Variants in PHF21B observed in about 807,000 individuals in gnomAD.
The protein encoded by PHF21B is PHD finger protein 4.
PHF21B carries 22 observed loss-of-function variants against 62.2 expected under a neutral mutation model. The ratio of observed to expected loss-of-function variants is 0.35; its 90% CI spans 0.25 to 0.51. The LOEUF is 0.51. Among genes scored for constraint, PHF21B ranks in the 20% least tolerant of loss-of-function variants. The pLI, the probability that PHF21B is intolerant of heterozygous loss-of-function variation, is 0.97. For synonymous variants in PHF21B, 341 were observed against 314.7 expected (o/e 1.08, Z -0.88); for missense variants, 701 against 707.9 (o/e 0.99, Z 0.11).
intron 2 of PHF21B, among the ~76,000 whole-genome samples, chr22:44,987,824 C>T (rs914035089): frequency 6.6e-6 from 1 of 151,876 alleles, no homozygotes; most frequent in Non-Finnish European, 1.5e-5. Flanking sequence ...CTATCTCACC[C>T]TTCACCCCTC....
chr22:44,883,344 G>A (rs200905659), intron 12 of PHF21B, 40 bp from the exon 13 acceptor site: 24 of 1,590,288 alleles, frequency 1.5e-5, no homozygotes, highest in East Asian at 9.0e-5. Context: ...CTCAGTATTC[G>A]GCTCTACAGC....
chr22:44,883,724 C>T (rs1021677398), intron 12 of PHF21B, among the ~76,000 whole-genome samples: 5 of 152,156 alleles, frequency 3.3e-5, no homozygotes, highest in African/African-American at 4.8e-5. Context: ...TACGCACCAC[C>T]GCAACAAGGA....
At chr22:44,980,387 CAG>C (rs1278434883) in intron 2 of PHF21B, among the ~76,000 whole-genome samples, 2 of 152,146 alleles carry the variant, frequency 1.3e-5, no homozygotes, top group African/African-American at 4.8e-5. Flanking sequence ...ACACGGTTCC[CAG>C]AGTCTCCTGA....
intron 2 of PHF21B, among the ~76,000 whole-genome samples, chr22:44,976,242 G>A (rs2072736467): frequency 6.6e-6 from 1 of 152,172 alleles, no homozygotes; most frequent in Non-Finnish European, 1.5e-5. Context: ...TTTGATGCAT[G>A]TACATATTGT....
rs957190558 is a variant in PHF21B at position 44,882,600 on chromosome 22, C to T, written c.*486G>A. On this transcript the variant is annotated 3_prime_UTR_variant, in exon 13 of 13. Transcript: ENST00000313237. ...TGGGGCATTGAGGAACTACCTAGAT[C>T]CACTACCCCGCTTCTCGTCCCAACT... 2 of 133,852 alleles carry T rather than the reference C, an allele frequency of 1.5e-5. No homozygotes were observed. Among genetic ancestry groups the T allele is most frequent in the African/African-American group, 5.5e-5 (2 of 36,564 alleles). 8.3% of individuals were successfully genotyped at this position (133,852 alleles called of 1,614,324 possible).
chr22:44,993,654 G>A (rs1284325331), intron 2 of PHF21B, among the ~76,000 whole-genome samples: 1 of 152,224 alleles, frequency 6.6e-6, no homozygotes, highest in Non-Finnish European at 1.5e-5. Flanking sequence ...TCACAGATGA[G>A]AAAAATCGAG....
At chr22:44,951,038 C>T (rs75592251) in intron 2 of PHF21B, among the ~76,000 whole-genome samples, 29,276 of 152,006 alleles carry the variant, frequency 0.19, 3,003 homozygotes, top group Middle Eastern at 0.32. Context: ...CCAGACGCAG[C>T]GGTACAACTG....
intron 2 of PHF21B, among the ~76,000 whole-genome samples, chr22:44,992,897 G>A (rs2073064256): frequency 6.6e-6 from 1 of 152,108 alleles, no homozygotes; most frequent in Admixed American, 6.5e-5. Flanking sequence ...TTGCAACCCC[G>A]CTATAAAGCA....
In PHF21B at chr22:44,920,777, T is replaced by C. The variant is rs185677022; in HGVS notation, c.121-287A>G. Among the ~76,000 whole-genome samples, 30 of 152,346 alleles carry C rather than the reference T, an allele frequency of 2.0e-4. No individual in the cohort carries two copies. The East Asian group carries it at 5.0e-3, about 25-fold the overall frequency. ...TTTTTATACAGCTAAATATAGAATGTTGTAACCTATTTTTCTACTTTCACT... is the reference window on the plus strand; with the variant it reads ...TTTTTATACAGCTAAATATAGAATGCTGTAACCTATTTTTCTACTTTCACT... On this transcript the variant is annotated intron_variant, in intron 2 of 12. Transcript: ENST00000313237.
intron 2 of PHF21B, chr22:44,971,404 G>C (rs1297510956): frequency 6.6e-6 from 1 of 152,142 alleles, no homozygotes; most frequent in African/African-American, 2.4e-5. Context: ...ATTCGGGGTA[G>C]GCAGCAGAAG....
intron 2 of PHF21B, among the ~76,000 whole-genome samples, chr22:44,966,134 CTCCCTGCATCCCTCCAG>C (rs956343714): frequency 2.6e-5 from 4 of 152,160 alleles, no homozygotes; most frequent in Admixed American, 2.6e-4. Flanking sequence ...ATCCTGGGCA[CTCCCTGCATCCCTCCAG>C]TCCCTCGCTC....
chr22:44,974,240 C>T (rs577269069), intron 2 of PHF21B, among the ~76,000 whole-genome samples: 5 of 152,024 alleles, frequency 3.3e-5, no homozygotes. Context: ...CATGGCGAAA[C>T]CCTGTCTCTA....
intron 2 of PHF21B, chr22:45,008,232 G>C (rs1214755482): frequency 4.1e-6 from 1 of 242,448 alleles, no homozygotes; most frequent in African/African-American, 2.2e-5. Context: ...CAAAGCGGGG[G>C]ACTCCGAGCC....
At chr22:44,997,221 T>A (rs546208120) in intron 2 of PHF21B, among the ~76,000 whole-genome samples, 2 of 152,278 alleles carry the variant, frequency 1.3e-5, no homozygotes, top group African/African-American at 4.8e-5. Context: ...CCTGGGCCAA[T>A]GAGTCCCAGC....
intron 2 of PHF21B, among the ~76,000 whole-genome samples, chr22:44,941,513 T>C (rs8141413): frequency 0.56 from 85,282 of 152,016 alleles, 25,235 homozygotes; most frequent in Non-Finnish European, 0.66. Context: ...AGGAGGTGGG[T>C]CACAAAGACC....
chr22:44,918,527 G>A (rs2071479675), intron 3 of PHF21B, among the ~76,000 whole-genome samples: 5 of 152,172 alleles, frequency 3.3e-5, no homozygotes, highest in Admixed American at 3.3e-4. Context: ...AAGCCCCCGG[G>A]TCCACCCTGT....
intron 2 of PHF21B, among the ~76,000 whole-genome samples, chr22:44,981,772 C>T (rs192612664): frequency 1.1e-3 from 173 of 152,334 alleles, no homozygotes; most frequent in Non-Finnish European, 2.0e-3. Context: ...GCTACAGCGG[C>T]ACGCAGGTGT....
At chr22:45,004,671 A>G (rs1670240259) in intron 2 of PHF21B, among the ~76,000 whole-genome samples, 1 of 152,182 alleles carries the variant, frequency 6.6e-6, no homozygotes, top group South Asian at 2.1e-4. Flanking sequence ...AGGACTGCAA[A>G]CAATGTGGGG....
At chr22:44,914,709 G>A (rs939227489) in intron 4 of PHF21B, among the ~76,000 whole-genome samples, 2 of 152,168 alleles carry the variant, frequency 1.3e-5, no homozygotes, top group Non-Finnish European at 1.5e-5. Flanking sequence ...GTGGTGGATG[G>A]GGAAGGGGAA....
Sources: gnomAD v4.1 joint callset for allele counts (sites outside exome capture counted in the v4.1 genomes callset) on GRCh38, gnomAD v4.1.1 for gene constraint, MANE v1.5 for transcripts, NCBI Gene and HGNC (gene_info 2026-07-23, HGNC 2026-07-21) for gene names.